Variants in POSTN observed in about 807,000 individuals in gnomAD.
POSTN encodes periostin.
A neutral mutation model predicts 104.5 loss-of-function variants in POSTN; 71 were observed. The ratio of observed to expected loss-of-function variants is 0.68; its 90% CI spans 0.56 to 0.83. POSTN has a LOEUF of 0.83. Among genes scored for constraint, POSTN ranks in the 40% least tolerant of loss-of-function variants. The pLI is 0.00. For missense variants in POSTN, 949 were observed against 1,006.8 expected (o/e 0.94, Z 0.78); for synonymous variants, 355 against 340.7 (o/e 1.04, Z -0.46).
At chr13:37,593,449 G>A (rs1951000870) in intron 2 of POSTN, among the ~76,000 whole-genome samples, 1 of 151,080 alleles carries the variant, frequency 6.6e-6, no homozygotes, top group Non-Finnish European at 1.5e-5. Context: ...AAATATAAAG[G>A]TACATGTACC....
chr13:37,570,521 T>G (rs1354927548), intron 19 of POSTN, 59 bp downstream of exon 19: 10 of 1,086,758 alleles, frequency 9.2e-6, no homozygotes, highest in Non-Finnish European at 1.4e-5. Flanking sequence ...ATTTGGGGAT[T>G]AACTATAATT....
intron 16 of POSTN, among the ~76,000 whole-genome samples, chr13:37,575,620 C>T (rs867606450): frequency 1.2e-4 from 19 of 152,062 alleles, no homozygotes; most frequent in African/African-American, 4.6e-4. Context: ...TATTAGATAA[C>T]GGGCCACACT....
intron 3 of POSTN, among the ~76,000 whole-genome samples, chr13:37,591,397 CAG>C (rs1950930705): frequency 1.3e-5 from 2 of 152,158 alleles, no homozygotes; most frequent in Admixed American, 6.5e-5. Context: ...GTCCCCAAAT[CAG>C]GTACTTATCT....
chr13:37,570,052 A>G (rs1950219930), intron 19 of POSTN, among the ~76,000 whole-genome samples: 1 of 151,948 alleles, frequency 6.6e-6, no homozygotes, highest in African/African-American at 2.4e-5. Context: ...ACACTTGCTC[A>G]CTAATTGTTT....
intron 16 of POSTN, among the ~76,000 whole-genome samples, 162 bp downstream of exon 16, chr13:37,577,591 G>T (rs183069377): frequency 6.6e-6 from 1 of 152,102 alleles, no homozygotes; most frequent in Non-Finnish European, 1.5e-5. Context: ...GGAGTTGAAG[G>T]TTATCTGAGA....
chr13:37,590,565 A>C, intron 3 of POSTN, 36 bp from the exon 4 acceptor site: 4 of 1,503,242 alleles, frequency 2.7e-6, no homozygotes, highest in Non-Finnish European at 3.6e-6. Context: ...TACTGGGGAT[A>C]ATATTCTCAG....
At chr13:37,594,235 A>C (rs4365181) in intron 2 of POSTN, among the ~76,000 whole-genome samples, 22,030 of 152,104 alleles carry the variant, frequency 0.14, 1,773 homozygotes, top group East Asian at 0.35. Flanking sequence ...TGCTTAGTCC[A>C]TAGATTGATA....
intron 21 of POSTN, among the ~76,000 whole-genome samples, chr13:37,568,440 T>G (rs1460674515): frequency 1.3e-5 from 2 of 152,088 alleles, no homozygotes; most frequent in Non-Finnish European, 2.9e-5. Context: ...CTGGACTGTG[T>G]TTTGGATAAA....
At chr13:37,568,683 TTC>T (rs1054471060) in intron 21 of POSTN, 1 of 143,282 alleles carries the variant, frequency 7.0e-6, no homozygotes, top group African/African-American at 2.4e-5. Context: ...AGATTTTGAA[TTC>T]TTTTTTTTTT....
chr13:37,594,321 C>A (rs1482652286), intron 2 of POSTN, among the ~76,000 whole-genome samples: 2 of 152,026 alleles, frequency 1.3e-5, no homozygotes, highest in East Asian at 3.9e-4. Flanking sequence ...GCTAATATGA[C>A]AAGGGTCAGT....
At chr13:37,567,304 T>C (rs910195657) in intron 21 of POSTN, among the ~76,000 whole-genome samples, 4 of 149,952 alleles carry the variant, frequency 2.7e-5, no homozygotes, top group African/African-American at 9.8e-5. Flanking sequence ...AGATAGAAAA[T>C]TCAGTTTTAG....
At chr13:37,591,693 T>C (rs1950938406) in intron 3 of POSTN, among the ~76,000 whole-genome samples, 1 of 152,190 alleles carries the variant, frequency 6.6e-6, no homozygotes, top group Non-Finnish European at 1.5e-5. Context: ...TATTTTTTTT[T>C]TCTCTAGTTG....
In POSTN at chr13:37,582,516, T is replaced by C. The variant is rs1374569847; in HGVS notation, c.1244-2A>G. ...GCTGATCCATGCTGAGAGTATCATCTGTAAATAAATTCATTAAGAAAGAGC... is the reference window on the plus strand; with the variant it reads ...GCTGATCCATGCTGAGAGTATCATCCGTAAATAAATTCATTAAGAAAGAGC... On this transcript the variant is annotated splice_acceptor_variant, in intron 9 of 22. Coordinates refer to ENST00000379747, the MANE Select transcript of POSTN (RefSeq NM_006475.3). LOFTEE classifies it high-confidence loss of function. 6.3e-7 allele frequency: 1 copy of C among 1,588,630 alleles called. No homozygotes were observed.
intron 7 of POSTN, 126 bp downstream of exon 7, chr13:37,586,013 T>C: frequency 1.2e-6 from 1 of 812,890 alleles, no homozygotes; most frequent in East Asian, 2.5e-5. Context: ...ACATAGTACA[T>C]CTCAGAATAA....
intron 2 of POSTN, among the ~76,000 whole-genome samples, chr13:37,595,961 G>C (rs964193515): frequency 1.3e-5 from 2 of 151,382 alleles, no homozygotes; most frequent in Non-Finnish European, 2.9e-5. Context: ...ACCACATCCG[G>C]CTAATTTTTG....
intron 10 of POSTN, among the ~76,000 whole-genome samples, chr13:37,581,361 T>C (rs989862419): frequency 6.6e-6 from 1 of 152,178 alleles, no homozygotes; most frequent in African/African-American, 2.4e-5. Flanking sequence ...GGACAAATAC[T>C]GAACGTATCA....
intron 16 of POSTN, among the ~76,000 whole-genome samples, chr13:37,576,727 C>T (rs1489728440): frequency 6.6e-6 from 1 of 151,952 alleles, no homozygotes; most frequent in Non-Finnish European, 1.5e-5. Flanking sequence ...GATTGTATTC[C>T]CATGGTGAAT....
Position 37,564,571 on chromosome 13 carries a change from A to G in POSTN, c.2432-11T>C. 7 of 1,581,418 alleles carry G rather than the reference A, an allele frequency of 4.4e-6. No homozygotes were observed. Among genetic ancestry groups the G allele is most frequent in the Non-Finnish European group, 6.1e-6 (7 of 1,152,984 alleles). On this transcript the variant is annotated splice_polypyrimidine_tract_variant and intron_variant, in intron 21 of 22. Transcript: ENST00000379747. ...TCCTCACGGGTGTGTCTAAAATTAAATTGTTGTAGTTAGAAATACTTCGCA... is the reference window on the plus strand; with the variant it reads ...TCCTCACGGGTGTGTCTAAAATTAAGTTGTTGTAGTTAGAAATACTTCGCA...
intron 21 of POSTN, chr13:37,564,817 A>G (rs116088005): frequency 0.017 from 5,203 of 305,942 alleles, 243 homozygotes; most frequent in African/African-American, 0.1. Context: ...GGATTTTGGA[A>G]CCCCACCTAA....
Sources: gnomAD v4.1 joint callset for allele counts (sites outside exome capture counted in the v4.1 genomes callset) on GRCh38, gnomAD v4.1.1 for gene constraint, MANE v1.5 for transcripts, NCBI Gene and HGNC (gene_info 2026-07-23, HGNC 2026-07-21) for gene names.